The following MAN1C1 variants were observed in gnomAD, a reference collection of about 807,000 sequenced individuals.
MAN1C1 encodes the protein mannosyl-oligosaccharide 1,2-alpha-mannosidase IC.
MAN1C1 carries 49 observed loss-of-function variants against 71.5 expected under a neutral mutation model. The ratio of observed to expected loss-of-function variants is 0.69; its 90% CI spans 0.54 to 0.87. MAN1C1 has a LOEUF of 0.87. MAN1C1 is among the 40% of genes least tolerant of loss of function. MAN1C1 has a pLI of 0.00. For synonymous variants in MAN1C1, 352 were observed against 343.7 expected (o/e 1.02, Z -0.27); for missense variants, 743 against 835.0 (o/e 0.89, Z 1.36).
At chr1:25,754,153 C>T (rs768843688) in intron 5 of MAN1C1, among the ~76,000 whole-genome samples, 1 of 152,250 alleles carries the variant, frequency 6.6e-6, no homozygotes, top group Non-Finnish European at 1.5e-5. Context: ...GCCACATCCC[C>T]GGGCACCCTG....
rs2046606697 is a variant in MAN1C1, at chr1:25,711,011, C to T, written c.637+24475C>T. 6.6e-6 allele frequency among the ~76,000 whole-genome samples: 1 copy of T among 152,154 alleles called. No homozygotes were observed. Among genetic ancestry groups the T allele is most frequent in the Non-Finnish European group, 1.5e-5 (1 of 68,038 alleles). On this transcript the variant is annotated intron_variant, in intron 2 of 11. Coordinates refer to ENST00000374332, the MANE Select transcript of MAN1C1 (RefSeq NM_020379.4). This position sits in a 1 kb window ranked among gnomAD's most constrained non-coding sequence, Gnocchi z 4.3. ...AACAAACCACCCTGAAACTTAATGGCTTAAACAAAGACCATTTATTATTTC... is the reference window on the plus strand; with the variant it reads ...AACAAACCACCCTGAAACTTAATGGTTTAAACAAAGACCATTTATTATTTC...
At chr1:25,719,051 C>A (rs909905292) in intron 2 of MAN1C1, among the ~76,000 whole-genome samples, 4 of 143,894 alleles carry the variant, frequency 2.8e-5, no homozygotes, top group African/African-American at 1.0e-4. Flanking sequence ...CTTTCCAATG[C>A]TTATTATTAT....
At position 25,617,914 on chromosome 1, in the gene MAN1C1, C is replaced by T. The variant is rs1443714436; in HGVS notation, c.117C>T (p.Ala39=). 6.2e-7 allele frequency: 1 copy of T among 1,607,260 alleles called. No homozygotes were observed. Among genetic ancestry groups the T allele is most frequent in the Non-Finnish European group, 8.5e-7 (1 of 1,177,670 alleles). The change falls in exon 1 of 12, where the codon GCC becomes GCT. Residue 39 remains alanine, a synonymous_variant. Transcript: ENST00000374332. The surrounding 1 kb of genome is among the most constrained non-coding windows in gnomAD (Gnocchi z 5.1). ...LSGLVTLCFG[A]LFLLPHSSRL... ...GCCTGGTCACCCTGTGCTTCGGGGC[C>T]CTCTTCCTGCTGCCCCACTCCTCTC...
intron 1 of MAN1C1, among the ~76,000 whole-genome samples, chr1:25,669,921 A>C (rs938901013): frequency 6.6e-6 from 1 of 152,254 alleles, no homozygotes. Flanking sequence ...AGTCCAGGAA[A>C]GGAATCTGTC....
At chr1:25,638,467 C>T (rs2045493838) in intron 1 of MAN1C1, among the ~76,000 whole-genome samples, 1 of 152,164 alleles carries the variant, frequency 6.6e-6, no homozygotes, top group Non-Finnish European at 1.5e-5. Context: ...CATATACTGA[C>T]CATTTCCAAT....
At chr1:25,726,599 G>A (rs991767772) in intron 2 of MAN1C1, among the ~76,000 whole-genome samples, 1 of 152,174 alleles carries the variant, frequency 6.6e-6, no homozygotes, top group African/African-American at 2.4e-5. Flanking sequence ...GGCCGCTGGT[G>A]TGGGGAGAGA....
Position 25,755,146 on chromosome 1 carries a change from G to A in MAN1C1, c.929+1568G>A, listed in dbSNP as rs114057503. Among the ~76,000 whole-genome samples, 9 of 152,270 alleles carry A rather than the reference G, an allele frequency of 5.9e-5. No homozygotes were observed. In the South Asian group the frequency reaches 6.2e-4, roughly 11 times the overall value. Reference sequence around the variant, plus strand: ...GTAGGTAACCAGCCCTGCCCTACTCGTCAGGGTGGGAAGGACCCTGAGGAG... The same window carrying A: ...GTAGGTAACCAGCCCTGCCCTACTCATCAGGGTGGGAAGGACCCTGAGGAG... On this transcript the variant is annotated intron_variant, in intron 5 of 11. Transcript: ENST00000374332.
In MAN1C1 at chr1:25,732,972, A is replaced by G. The variant is rs534076059; in HGVS notation, c.638-13696A>G. 3.9e-5 allele frequency among the ~76,000 whole-genome samples: 6 copies of G among 152,246 alleles called. No homozygotes were observed. The East Asian group carries it at 7.7e-4, about 20-fold the overall frequency. On this transcript the variant is annotated intron_variant, in intron 2 of 11. Coordinates refer to ENST00000374332, the MANE Select transcript of MAN1C1 (RefSeq NM_020379.4). ...CAATGCATAGCTCTGTGTGGCCACA[A>G]TGTATACCCAAGACAGCACTGCAAC...
At chr1:25,732,525 C>T (rs1227095920) in intron 2 of MAN1C1, among the ~76,000 whole-genome samples, 4 of 152,212 alleles carry the variant, frequency 2.6e-5, no homozygotes, top group African/African-American at 9.6e-5. Context: ...CTGTGGTGCG[C>T]TCAGCAACAT....
At chr1:25,712,630 A>C (rs549729604) in intron 2 of MAN1C1, among the ~76,000 whole-genome samples, 1 of 152,322 alleles carries the variant, frequency 6.6e-6, no homozygotes, top group East Asian at 1.9e-4. Context: ...AATGCCACCT[A>C]CAATCCAAGG....
chr1:25,734,079 G>GT (rs2046948550), intron 2 of MAN1C1, among the ~76,000 whole-genome samples: 1 of 151,886 alleles, frequency 6.6e-6, no homozygotes, highest in Non-Finnish European at 1.5e-5. Flanking sequence ...GATTACAGGC[G>GT]TGAGCCACTG....
chr1:25,716,507 A>C (rs372215629), intron 2 of MAN1C1, among the ~76,000 whole-genome samples: 53 of 152,244 alleles, frequency 3.5e-4, no homozygotes, highest in African/African-American at 1.1e-3. Context: ...TTGTGTTTTT[A>C]GTAGACACAG....
rs146316249 is a variant in MAN1C1 at position 25,648,947 on chromosome 1, A to G, written c.540+30610A>G. ...GCAGAACTTGGCTAATAGTCATCACACTAATCCCCAAACTGTCATTCTTCC... is the reference window on the plus strand; with the variant it reads ...GCAGAACTTGGCTAATAGTCATCACGCTAATCCCCAAACTGTCATTCTTCC... On this transcript the variant is annotated intron_variant, in intron 1 of 11. Transcript: ENST00000374332. Among the ~76,000 whole-genome samples, 52 of 152,348 alleles carry G rather than the reference A, an allele frequency of 3.4e-4. No individual in the cohort carries two copies. The East Asian group carries it at 9.1e-3, about 27-fold the overall frequency.
intron 2 of MAN1C1, among the ~76,000 whole-genome samples, chr1:25,731,843 A>G (rs1206572638): frequency 6.6e-6 from 1 of 152,158 alleles, no homozygotes; most frequent in Non-Finnish European, 1.5e-5. Flanking sequence ...GCCTGTGGTC[A>G]TGTGTGCTCT....
chr1:25,775,295 G>A lies in MAN1C1; in HGVS notation c.1258-2810G>A, dbSNP rs1212884219. Among the ~76,000 whole-genome samples the A allele has an allele frequency of 1.3e-5, 2 of 152,238 alleles. No homozygotes were observed. Among genetic ancestry groups the A allele is most frequent in the Non-Finnish European group, 2.9e-5 (2 of 68,040 alleles). Reference sequence around the variant, plus strand: ...CAGAGCAGACCCCTGCCTGCAGCCCGGCTGCTCTGCAGGTGTCCTCAGCAC... The same window carrying A: ...CAGAGCAGACCCCTGCCTGCAGCCCAGCTGCTCTGCAGGTGTCCTCAGCAC... On this transcript the variant is annotated intron_variant, in intron 8 of 11. Coordinates refer to ENST00000374332, the MANE Select transcript of MAN1C1 (RefSeq NM_020379.4). This position sits in a 1 kb window ranked among gnomAD's most constrained non-coding sequence, Gnocchi z 5.1.
intron 1 of MAN1C1, among the ~76,000 whole-genome samples, chr1:25,672,637 A>C (rs2046008166): frequency 2.0e-5 from 3 of 152,118 alleles, no homozygotes; most frequent in Admixed American, 6.5e-5. Context: ...CACCCCGATA[A>C]TCAGGCTAAT....
intron 7 of MAN1C1, among the ~76,000 whole-genome samples, chr1:25,767,237 T>C (rs1271839012): frequency 1.2e-5 from 1 of 85,776 alleles, no homozygotes; most frequent in African/African-American, 5.1e-5. Context: ...ACACCCACAC[T>C]CCCCTCACAT....
chr1:25,752,001 G>A (rs936029960), intron 4 of MAN1C1, among the ~76,000 whole-genome samples: 12 of 152,050 alleles, frequency 7.9e-5, no homozygotes, highest in Non-Finnish European at 1.2e-4. Context: ...AAAGGTTTGT[G>A]GAATGAAGGG....
intron 2 of MAN1C1, among the ~76,000 whole-genome samples, chr1:25,733,777 GTTTA>G (rs1041857909): frequency 4.6e-5 from 7 of 151,756 alleles, no homozygotes; most frequent in Admixed American, 2.0e-4. Context: ...TTTTTATTTT[GTTTA>G]TTTATTTATT....
Sources: gnomAD v4.1 joint callset for allele counts (sites outside exome capture counted in the v4.1 genomes callset) on GRCh38, gnomAD v4.1.1 for gene constraint, Gnocchi (gnomAD v3.1) non-coding constraint, MANE v1.5 for transcripts, NCBI Gene and HGNC (gene_info 2026-07-23, HGNC 2026-07-21) for gene names.